The following SPTBN4 variants were observed in gnomAD, a reference collection of about 807,000 sequenced individuals.
The protein encoded by SPTBN4 is spectrin beta chain, non-erythrocytic 4.
SPTBN4 carries 96 observed loss-of-function variants against 277.8 expected under a neutral mutation model. The observed-to-expected ratio is 0.35, with a 90% CI of 0.29 to 0.41. The LOEUF (loss-of-function observed/expected upper bound fraction) is 0.41. Ranked by LOEUF, SPTBN4 falls within the 10% of genes least tolerant of loss-of-function variation. The pLI is 1.00. For synonymous variants in SPTBN4, 1,481 were observed against 1,580.3 expected, an observed-to-expected ratio of 0.94 and a Z score of 1.49; for missense variants, 3,006 against 3,595.7, an observed-to-expected ratio of 0.84 and a Z score of 4.19.
intron 2 of SPTBN4, among the ~76,000 whole-genome samples, chr19:40,480,096 A>G (rs2079993153): frequency 6.6e-6 from 1 of 152,004 alleles, no homozygotes; most frequent in Non-Finnish European, 1.5e-5. Context: ...CTAAAAATAC[A>G]GAAAATTAGC....
chr19:40,516,301 A>ACT lies in SPTBN4; in HGVS notation c.2903+868_2903+869dup, dbSNP rs376036578. 4.1e-5 allele frequency among the ~76,000 whole-genome samples: 6 copies of ACT among 147,906 alleles called. No individual in the cohort carries two copies. In the South Asian group the frequency reaches 6.4e-4, roughly 16 times the overall value. ...CATAGTAAAGATCCTAGAATTCAGA[A>ACT]CTCTCTCTCTCTCTCTTTTGAGACA... On this transcript the variant is annotated intron_variant, in intron 15 of 35. Coordinates refer to ENST00000598249, the MANE Select transcript of SPTBN4 (RefSeq NM_020971.3).
intron 20 of SPTBN4, among the ~76,000 whole-genome samples, chr19:40,544,012 C>A (rs2080828692): frequency 6.6e-6 from 1 of 152,138 alleles, no homozygotes. Flanking sequence ...TCCCCTCCCC[C>A]AGTAAGTACC....
intron 20 of SPTBN4, among the ~76,000 whole-genome samples, chr19:40,546,225 C>CAAAAAAAA (rs557010488): frequency 1.4e-5 from 1 of 69,264 alleles, no homozygotes; most frequent in African/African-American, 5.6e-5. Context: ...AACTCCATCT[C>CAAAAAAAA]AAAAAAAAAA....
chr19:40,528,445 C>G (rs2080620817), intron 17 of SPTBN4, among the ~76,000 whole-genome samples: 1 of 152,230 alleles, frequency 6.6e-6, no homozygotes, highest in African/African-American at 2.4e-5. Context: ...TCTCTTCCCT[C>G]TCTCCAACTC....
chr19:40,468,220 G>A (rs1370578814), intron 1 of SPTBN4, among the ~76,000 whole-genome samples: 3 of 151,982 alleles, frequency 2.0e-5, no homozygotes, highest in African/African-American at 7.3e-5. Context: ...TGGGATTACG[G>A]GCATGAGCTA....
Position 40,515,324 on chromosome 19 carries a change from G to T in SPTBN4, c.2779G>T (p.Asp927Tyr), listed in dbSNP as rs759479948. The T allele has an allele frequency of 1.2e-6, 2 of 1,612,868 alleles. No individual in the cohort carries two copies. Among genetic ancestry groups the T allele is most frequent in the Middle Eastern group, 3.3e-4 (2 of 6,060 alleles). ...EVVQHRFESL[D>Y]QEMNSLMGRV... ...ATCCTCCTGCAGATTCGAGAGCCTG[G>T]ACCAAGAGATGAACAGCCTGATGGG... The change falls in exon 15 of 36, where the codon GAC becomes TAC. Residue 927 changes from aspartate (D) to tyrosine (Y), a missense_variant. By Grantham distance (160) the Asp-to-Tyr change is radical. Transcript: ENST00000598249. The surrounding 1 kb of genome is among the most constrained non-coding windows in gnomAD (Gnocchi z 4.1).
At chr19:40,563,556 T>C (rs1370040046) in intron 27 of SPTBN4, among the ~76,000 whole-genome samples, 1 of 151,880 alleles carries the variant, frequency 6.6e-6, no homozygotes, top group African/African-American at 2.4e-5. Context: ...CAAAGTATTA[T>C]CACTTCAACA....
rs767463886 is a variant in SPTBN4, at chr19:40,490,053, C to T, written c.322-22C>T. 2 of 1,586,336 alleles carry T rather than the reference C, an allele frequency of 1.3e-6. No homozygotes were observed. Among genetic ancestry groups the T allele is most frequent in the East Asian group, 2.3e-5 (1 of 44,054 alleles). On this transcript the variant is annotated intron_variant, in intron 3 of 35. Transcript: ENST00000598249. The surrounding 1 kb of genome is among the most constrained non-coding windows in gnomAD (Gnocchi z 4.3). ...TCCTGTCTGTCCAGACCCCCGATCG[C>T]CCACCGCCCCTGTCGCCCTAGCCCA...
chr19:40,549,464 G>GGGT, intron 21 of SPTBN4, 51 bp downstream of exon 21: 1 of 870,834 alleles, frequency 1.1e-6, no homozygotes, highest in Non-Finnish European at 1.6e-6. Context: ...CGGTGGGGCG[G>GGGT]AGAAGGTGGG....
At position 40,467,043 on chromosome 19, in the gene SPTBN4, C is replaced by G. The variant is rs45496095; in HGVS notation, c.-278C>G. On this transcript the variant is annotated 5_prime_UTR_variant, in exon 1 of 36. Transcript: ENST00000598249. ...GCAGCCGTGCACCCCACGCCGCGGCCGGGTGTGACTGCGCGTGGGCCTCGG... is the reference window on the plus strand; with the variant it reads ...GCAGCCGTGCACCCCACGCCGCGGCGGGGTGTGACTGCGCGTGGGCCTCGG... Among the ~76,000 whole-genome samples, 9 of 151,160 alleles carry G rather than the reference C, an allele frequency of 6.0e-5. No homozygotes were observed. Among genetic ancestry groups the G allele is most frequent in the Non-Finnish European group, 1.2e-4 (8 of 67,744 alleles).
intron 18 of SPTBN4, among the ~76,000 whole-genome samples, 192 bp downstream of exon 18, chr19:40,529,323 A>G (rs920687536): frequency 2.0e-4 from 30 of 152,032 alleles, no homozygotes; most frequent in African/African-American, 6.5e-4. Flanking sequence ...GCCCACGCCG[A>G]CTCCGGGAAA....
chr19:40,569,151 C>T (rs770485863), intron 31 of SPTBN4, among the ~76,000 whole-genome samples: 4 of 152,050 alleles, frequency 2.6e-5, no homozygotes, highest in Admixed American at 6.6e-5. Flanking sequence ...GGCATCTGGG[C>T]GCGGTGGCTC....
chr19:40,572,480 C>T (rs1362529671), intron 35 of SPTBN4, 100 bp downstream of exon 35: 1 of 1,442,968 alleles, frequency 6.9e-7, no homozygotes. Flanking sequence ...GGGACACTCA[C>T]AGGCCAGAGT....
rs370989623 is a variant in SPTBN4 at position 40,515,295 on chromosome 19, C to G, written c.2766-16C>G. 1 of 1,611,688 alleles carries G rather than the reference C, an allele frequency of 6.2e-7. No individual in the cohort carries two copies. Among genetic ancestry groups the G allele is most frequent in the Non-Finnish European group, 8.5e-7 (1 of 1,179,122 alleles). On this transcript the variant is annotated splice_polypyrimidine_tract_variant and intron_variant, in intron 14 of 35. Transcript: ENST00000598249. The surrounding 1 kb of genome is among the most constrained non-coding windows in gnomAD (Gnocchi z 4.1). ...CCGCAGGGTTCGGGTGTCTGAGCAT[C>G]TCCATCCTCCTGCAGATTCGAGAGC...
In SPTBN4 at chr19:40,557,167, C is replaced by A; in HGVS notation, c.5434C>A (p.Leu1812Met). 2 of 1,611,064 alleles carry A rather than the reference C, an allele frequency of 1.2e-6. No individual in the cohort carries two copies. The highest frequency in any genetic ancestry group is 1.7e-6 in the Non-Finnish European group (2 of 1,177,704). ...CACCATGGCCGAGTGGAAGGACGGA[C>A]TGAACGAGGCCTGGGCTGAGCTGCT... ...AATMAEWKDG[L>M]NEAWAELLEL... The change falls in exon 26 of 36, where the codon CTG becomes ATG. Residue 1812 changes from leucine to methionine, a missense_variant. By Grantham distance (15) the Leu-to-Met change is conservative (BLOSUM62 2). Coordinates refer to ENST00000598249, the MANE Select transcript of SPTBN4 (RefSeq NM_020971.3).
chr19:40,501,241 G>GA (rs564405844), intron 7 of SPTBN4, among the ~76,000 whole-genome samples: 26,925 of 143,630 alleles, frequency 0.19, 2,676 homozygotes, highest in Middle Eastern at 0.24. Context: ...TCCATCTCTT[G>GA]AAAAAAAAAA....
intron 17 of SPTBN4, among the ~76,000 whole-genome samples, chr19:40,525,923 C>T (rs377335849): frequency 6.6e-6 from 1 of 152,148 alleles, no homozygotes; most frequent in Non-Finnish European, 1.5e-5. Context: ...CTGCACCTTC[C>T]CACCATCCCA....
chr19:40,541,118 C>G (rs2080796994), intron 20 of SPTBN4, among the ~76,000 whole-genome samples: 1 of 152,182 alleles, frequency 6.6e-6, no homozygotes, highest in Non-Finnish European at 1.5e-5. Flanking sequence ...GCGAGCTTGA[C>G]CATCTTTGAC....
At chr19:40,562,785 G>C (rs977849409) in intron 27 of SPTBN4, among the ~76,000 whole-genome samples, 15 of 151,730 alleles carry the variant, frequency 9.9e-5, no homozygotes, top group African/African-American at 3.4e-4. Context: ...GGTGAGCCAA[G>C]ATTGTGCCAT....
Sources: allele counts gnomAD v4.1 joint callset (sites outside exome capture counted in the v4.1 genomes callset), GRCh38; gene constraint gnomAD v4.1.1; non-coding constraint Gnocchi (gnomAD v3.1); transcripts MANE v1.5; gene names NCBI Gene and HGNC (gene_info 2026-07-23, HGNC 2026-07-21).